FBXO11: variants seen among roughly 807,000 people sequenced by gnomAD.
The protein encoded by FBXO11 is F-box protein 11.
In FBXO11, 13 loss-of-function variants were observed where a neutral mutation model predicts 117.0. The ratio of observed to expected loss-of-function variants is 0.11; its 90% confidence interval spans 0.07 to 0.18. The LOEUF is 0.18. FBXO11 is among the 10% of genes least tolerant of loss of function. The pLI is 1.00. For missense variants in FBXO11, 767 were observed against 1,164.4 expected (o/e 0.66, Z 4.97); for synonymous variants, 490 against 380.5 (o/e 1.29, Z -3.35).
rs774096308 is a variant in FBXO11, at chr2:47,843,917, T to G, written c.233-4148A>C. Among the ~76,000 whole-genome samples the G allele has an allele frequency of 2.4e-4, 36 of 152,056 alleles. 1 individual carries two copies. Among genetic ancestry groups the G allele is most frequent in the Admixed American group, 5.2e-4 (8 of 15,272 alleles). On this transcript the variant is annotated intron_variant, in intron 1 of 22. Transcript: ENST00000403359. ...CACTACGCCCGGCTAATTTTTGTAT[T>G]TTTAATAGAGACGGGGTTTCACTAT...
intron 21 of FBXO11, 88 bp downstream of exon 21, chr2:47,809,070 G>A (rs556217536): frequency 1.1e-4 from 86 of 784,156 alleles, no homozygotes; most frequent in Middle Eastern, 2.9e-4. Context: ...TCTCAACACC[G>A]GCAAATAGCC....
chr2:47,839,257 A>G (rs1276766806), intron 3 of FBXO11, among the ~76,000 whole-genome samples, 162 bp downstream of exon 3: 1 of 152,218 alleles, frequency 6.6e-6, no homozygotes, highest in African/African-American at 2.4e-5. Flanking sequence ...ATACAACAAT[A>G]AAAGTCAGAG....
chr2:47,810,461 G>GTATA (rs1558401895), intron 18 of FBXO11, 35 bp from the exon 19 acceptor site: 1 of 1,331,292 alleles, frequency 7.5e-7, no homozygotes. Context: ...TAAGGCTAAT[G>GTATA]CATATAACAG....
chr2:47,858,815 C>A (rs949672227), intron 1 of FBXO11, among the ~76,000 whole-genome samples: 1 of 151,220 alleles, frequency 6.6e-6, no homozygotes, highest in African/African-American at 2.4e-5. Context: ...GAGGCCAAGA[C>A]GGTTGGATCA....
chr2:47,808,957 A>G (rs990279381), intron 21 of FBXO11: 5 of 428,542 alleles, frequency 1.2e-5, no homozygotes, highest in Non-Finnish European at 2.1e-5. Flanking sequence ...TCAGCCTCCC[A>G]AAGTGCTAGG....
intron 7 of FBXO11, among the ~76,000 whole-genome samples, chr2:47,834,163 A>T (rs1158869719): frequency 6.6e-6 from 1 of 152,198 alleles, no homozygotes; most frequent in Non-Finnish European, 1.5e-5. Flanking sequence ...CAGCCTGGCC[A>T]ACATGGCGAA....
chr2:47,866,697 C>G lies in FBXO11; in HGVS notation c.233-26928G>C, dbSNP rs186005745. On this transcript the variant is annotated intron_variant, in intron 1 of 22. Coordinates refer to ENST00000403359, the MANE Select transcript of FBXO11 (RefSeq NM_001190274.2). ...CCATGTTGGCCAGGATGGTCTCGAT[C>G]TCCTGACCTCGTGATCTGCCCACCT... 2.8e-3 allele frequency among the ~76,000 whole-genome samples: 429 copies of G among 152,214 alleles called. 12 individuals carry two copies. The highest frequency in any genetic ancestry group is 1.4e-3 in the East Asian group (7 of 5,170).
intron 1 of FBXO11, among the ~76,000 whole-genome samples, chr2:47,895,685 T>C (rs938412257): frequency 1.3e-5 from 2 of 152,188 alleles, no homozygotes; most frequent in Admixed American, 6.5e-5. Flanking sequence ...TAAATAACTA[T>C]ATAGTTTATG....
intron 1 of FBXO11, among the ~76,000 whole-genome samples, chr2:47,846,858 AT>A (rs750293901): frequency 1.1e-4 from 17 of 152,202 alleles, no homozygotes; most frequent in Non-Finnish European, 1.9e-4. Context: ...GACTAGGCAT[AT>A]TTCAAGTGCT....
chr2:47,897,593 A>G (rs1677771695), intron 1 of FBXO11, among the ~76,000 whole-genome samples: 1 of 149,668 alleles, frequency 6.7e-6, no homozygotes, highest in Non-Finnish European at 1.5e-5. Context: ...GCTACTCAGG[A>G]GGCTGAGGCA....
chr2:47,823,105 T>C, intron 12 of FBXO11, 38 bp downstream of exon 12: 1 of 1,479,336 alleles, frequency 6.8e-7, no homozygotes, highest in Non-Finnish European at 9.2e-7. Context: ...AACCTTGAAG[T>C]GAAAAAGTAA....
chr2:47,903,387 G>C (rs1185279725), intron 1 of FBXO11, among the ~76,000 whole-genome samples: 1 of 152,098 alleles, frequency 6.6e-6, no homozygotes, highest in Non-Finnish European at 1.5e-5. Flanking sequence ...TTACCATTTG[G>C]TTGGGTACAT....
intron 1 of FBXO11, among the ~76,000 whole-genome samples, chr2:47,902,255 T>C (rs1476905245): frequency 6.6e-6 from 1 of 152,202 alleles, no homozygotes; most frequent in Non-Finnish European, 1.5e-5. Context: ...ATTCTACTAG[T>C]ACATGAAATC....
At chr2:47,815,771 T>C (rs188509982) in intron 16 of FBXO11, among the ~76,000 whole-genome samples, 8 of 152,288 alleles carry the variant, frequency 5.3e-5, no homozygotes, top group Middle Eastern at 6.8e-3. Flanking sequence ...TAGCGAGAGT[T>C]AGAAGTTCTG....
intron 1 of FBXO11, among the ~76,000 whole-genome samples, chr2:47,902,328 T>C (rs997738312): frequency 2.0e-5 from 3 of 152,226 alleles, no homozygotes; most frequent in Non-Finnish European, 4.4e-5. Flanking sequence ...AGTCTTAGGA[T>C]AGCTGATCAT....
chr2:47,839,752 C>T lies in FBXO11; in HGVS notation c.250G>A (p.Asp84Asn), dbSNP rs1299114400. 1 of 1,613,246 alleles carries T rather than the reference C, an allele frequency of 6.2e-7. No individual in the cohort carries two copies. The highest frequency in any genetic ancestry group is 8.5e-7 in the Non-Finnish European group (1 of 1,179,832). The change falls in exon 2 of 23, where the codon GAT becomes AAT. Residue 84 changes from aspartate to asparagine, a missense_variant. Physicochemically the swap from Asp to Asn is conservative, Grantham distance 23. This residue lies in a region of FBXO11 where 355 missense variants were observed against 299.8 expected (regional missense o/e 1.18). Coordinates refer to ENST00000403359, the MANE Select transcript of FBXO11 (RefSeq NM_001190274.2). ...GGACCTGATTCTTCTGCAACCATAT[C>T]TGCAGGCACATCATCATCTGTTATA... ...VGERDDDVPA[D>N]MVAEESGPGA...
chr2:47,864,942 C>G (rs1675081629), intron 1 of FBXO11, among the ~76,000 whole-genome samples: 1 of 152,190 alleles, frequency 6.6e-6, no homozygotes, highest in African/African-American at 2.4e-5. Flanking sequence ...TAACACTTGA[C>G]AAGACTTTCA....
In FBXO11 at chr2:47,809,687, C is replaced by T; in HGVS notation, c.2359G>A (p.Ala787Thr). The change falls in exon 20 of 23, where the codon GCA (alanine) becomes ACA (threonine). Residue 787 changes from alanine (A) to threonine (T), a missense_variant. Coordinates refer to ENST00000403359, the MANE Select transcript of FBXO11 (RefSeq NM_001190274.2). ...FAAGIEITNH[A>T]TATLEGNQIF... Reference sequence around the variant, plus strand: ...TGATTGCCTTCTAGTGTTGCAGTTGCGTGATTTGTAATTTCAATACCTGAA... The same window carrying T: ...TGATTGCCTTCTAGTGTTGCAGTTGTGTGATTTGTAATTTCAATACCTGAA... The T allele has an allele frequency of 1.2e-6, 2 of 1,613,050 alleles. No individual in the cohort carries two copies. Among genetic ancestry groups the T allele is most frequent in the Non-Finnish European group, 1.7e-6 (2 of 1,179,504 alleles).
chr2:47,906,140 CG>C lies in FBXO11; in HGVS notation c.-421del. 9.1e-6 allele frequency: 1 copy of C among 110,334 alleles called. No individual in the cohort carries two copies. The highest frequency in any genetic ancestry group is 2.6e-4 in the South Asian group (1 of 3,824). 6.8% of individuals were successfully genotyped at this position (110,334 alleles called of 1,614,324 possible). On this transcript the variant is annotated 5_prime_UTR_variant, in exon 1 of 23. Transcript: ENST00000403359. ...GACTCGCGAGCGGCGTCTCCGGCAG[CG>C]GGGGGAGTGGGCGGGCGGGTGAGGA...
Sources: allele counts gnomAD v4.1 joint callset (sites outside exome capture counted in the v4.1 genomes callset), GRCh38; gene constraint gnomAD v4.1.1; regional missense constraint gnomAD v4.1.1; transcripts MANE v1.5; gene names NCBI Gene and HGNC (gene_info 2026-07-23, HGNC 2026-07-21).